ST7: variants seen among roughly 807,000 people sequenced by gnomAD.
The protein encoded by ST7 is suppression of tumorigenicity 7.
In ST7, 28 loss-of-function variants were observed where a neutral mutation model predicts 78.7. That is an observed-to-expected ratio of 0.36 (90% CI 0.26 to 0.49). The LOEUF is 0.49. Ranked by LOEUF, ST7 falls within the 20% of genes least tolerant of loss-of-function variation. The pLI is 0.99. For synonymous variants in ST7, 247 were observed against 249.6 expected (o/e 0.99, Z 0.10); for missense variants, 418 against 696.0 (o/e 0.60, Z 4.49).
chr7:117,186,038 CCTT>C lies in ST7; in HGVS notation c.1079-3279_1079-3277del, dbSNP rs554345954. 1.2e-3 allele frequency among the ~76,000 whole-genome samples: 177 copies of C among 152,312 alleles called. 1 individual carries two copies. Among genetic ancestry groups the C allele is most frequent in the African/African-American group, 4.1e-3 (171 of 41,580 alleles). On this transcript the variant is annotated intron_variant, in intron 10 of 15. Coordinates refer to ENST00000323984, the MANE Select transcript of ST7 (RefSeq NM_001369598.1). ...ATAAAGTTATGTGAATGTGGCCACT[CCTT>C]CTTGTCATTCTACTTACTACACACT...
At chr7:117,168,663 G>A (rs545831360) in intron 9 of ST7, among the ~76,000 whole-genome samples, 31 of 152,214 alleles carry the variant, frequency 2.0e-4, no homozygotes, top group African/African-American at 7.0e-4. Flanking sequence ...AGGGAAGTTC[G>A]GACCATCAGT....
At chr7:117,136,032 C>A in intron 7 of ST7, 49 bp from the exon 8 acceptor site, 1 of 1,597,658 alleles carries the variant, frequency 6.3e-7, no homozygotes, top group Non-Finnish European at 8.5e-7. Context: ...CAGTCTATTA[C>A]CATGTCCTTG....
At chr7:117,156,038 A>G (rs1048579471) in intron 9 of ST7, among the ~76,000 whole-genome samples, 1 of 152,172 alleles carries the variant, frequency 6.6e-6, no homozygotes, top group East Asian at 1.9e-4. Context: ...TATATTTAAA[A>G]ATCACATCTG....
chr7:117,181,723 A>G (rs38875), intron 10 of ST7, among the ~76,000 whole-genome samples: 43,380 of 152,076 alleles, frequency 0.29, 7,723 homozygotes, highest in African/African-American at 0.51. Flanking sequence ...AGGAAAAAAG[A>G]TGGTGATTGG....
At chr7:117,014,850 G>A (rs776976548) in intron 1 of ST7, 71 of 496,302 alleles carry the variant, frequency 1.4e-4, no homozygotes, top group Non-Finnish European at 2.0e-4. Context: ...AGCCGTTGCC[G>A]CTTGAGAGAG....
At chr7:116,980,108 A>C (rs1793889903) in intron 1 of ST7, among the ~76,000 whole-genome samples, 1 of 151,624 alleles carries the variant, frequency 6.6e-6, no homozygotes, top group African/African-American at 2.4e-5. Flanking sequence ...ACAGGTACCC[A>C]TCACAACTCC....
intron 1 of ST7, among the ~76,000 whole-genome samples, chr7:117,081,471 A>C (rs1175195229): frequency 6.6e-6 from 1 of 152,086 alleles, no homozygotes; most frequent in Non-Finnish European, 1.5e-5. Flanking sequence ...TATTATTTTT[A>C]TAGAAATTAT....
intron 2 of ST7, among the ~76,000 whole-genome samples, chr7:117,101,055 C>G (rs1801532085): frequency 1.3e-5 from 2 of 151,966 alleles, no homozygotes; most frequent in South Asian, 2.1e-4. Context: ...TGTGAGGAGC[C>G]AGAGTAAAAA....
intron 1 of ST7, among the ~76,000 whole-genome samples, chr7:117,051,624 T>C (rs1317604359): frequency 6.6e-6 from 1 of 152,064 alleles, no homozygotes; most frequent in Non-Finnish European, 1.5e-5. Flanking sequence ...AGGGAATAGA[T>C]AGAGCAGGAG....
In ST7 at chr7:117,179,264, A is replaced by G. The variant is rs549407148; in HGVS notation, c.1078+8288A>G. Among the ~76,000 whole-genome samples the G allele has an allele frequency of 7.9e-5, 12 of 152,336 alleles. No homozygotes were observed. In the East Asian group the frequency reaches 2.1e-3, roughly 27 times the overall value. Reference sequence around the variant, plus strand: ...TGCAAAATGAAGGAAGCTAATATCAAGATATTTGAGATGTTAGTACATTAA... The same window carrying G: ...TGCAAAATGAAGGAAGCTAATATCAGGATATTTGAGATGTTAGTACATTAA... On this transcript the variant is annotated intron_variant, in intron 10 of 15. Transcript: ENST00000323984.
chr7:117,116,146 C>G (rs553478162), intron 2 of ST7, among the ~76,000 whole-genome samples: 8 of 152,246 alleles, frequency 5.3e-5, no homozygotes, highest in Admixed American at 5.2e-4. Context: ...TTTTAGTTCT[C>G]GTCTTACTTG....
chr7:117,065,981 T>A (rs1798612603), intron 1 of ST7, among the ~76,000 whole-genome samples: 1 of 152,218 alleles, frequency 6.6e-6, no homozygotes, highest in Non-Finnish European at 1.5e-5. Context: ...CTTTCCTTTG[T>A]CTGCAGGTCT....
chr7:117,131,995 A>G (rs1804396103), intron 6 of ST7, 35 bp downstream of exon 6: 2 of 1,575,908 alleles, frequency 1.3e-6, no homozygotes, highest in Non-Finnish European at 1.7e-6. Context: ...TAAAAAGGAA[A>G]TCTCATCCTT....
At chr7:116,978,262 G>C (rs1793793708) in intron 1 of ST7, among the ~76,000 whole-genome samples, 1 of 152,226 alleles carries the variant, frequency 6.6e-6, no homozygotes, top group Admixed American at 6.5e-5. Flanking sequence ...GTTGCTTCCT[G>C]ACTTGCAGGT....
intron 10 of ST7, among the ~76,000 whole-genome samples, chr7:117,176,386 G>A (rs1303808771): frequency 6.6e-6 from 1 of 152,134 alleles, no homozygotes; most frequent in Non-Finnish European, 1.5e-5. Flanking sequence ...TTTAGAAAAG[G>A]ACATGTTTCT....
In ST7 at chr7:117,112,490, T is replaced by G. The variant is rs565501246; in HGVS notation, c.235-7071T>G. 2.6e-5 allele frequency: 4 copies of G among 152,330 alleles called. No homozygotes were observed. In the East Asian group the frequency reaches 7.7e-4, roughly 29 times the overall value. The allele number at this position is 152,330 out of a possible 1,614,324, so 9.4% of individuals were successfully genotyped here. On this transcript the variant is annotated intron_variant, in intron 2 of 15. Coordinates refer to ENST00000323984, the MANE Select transcript of ST7 (RefSeq NM_001369598.1). ...GTTATATAGCAGTTAAATCATGAGA[T>G]TTGAACCCAGATCTCTCTGACCTTG...
chr7:117,129,319 A>G (rs556488778), intron 3 of ST7, among the ~76,000 whole-genome samples: 6 of 152,050 alleles, frequency 3.9e-5, no homozygotes, highest in African/African-American at 1.4e-4. Context: ...AAATTATCAT[A>G]AAATCACTGT....
At chr7:117,146,647 G>A (rs1361047785) in intron 9 of ST7, among the ~76,000 whole-genome samples, 1 of 152,184 alleles carries the variant, frequency 6.6e-6, no homozygotes, top group African/African-American at 2.4e-5. Flanking sequence ...TCAGATTCTA[G>A]ATATATTTTG....
chr7:117,086,166 T>C (rs1800130697), intron 1 of ST7, among the ~76,000 whole-genome samples: 1 of 152,228 alleles, frequency 6.6e-6, no homozygotes, highest in South Asian at 2.1e-4. Flanking sequence ...GAAAACAACT[T>C]TGAAAAGCAA....
Sources: gnomAD v4.1 joint callset for allele counts (sites outside exome capture counted in the v4.1 genomes callset) on GRCh38, gnomAD v4.1.1 for gene constraint, MANE v1.5 for transcripts, NCBI Gene and HGNC (gene_info 2026-07-23, HGNC 2026-07-21) for gene names.